The following TJP1 variants were observed in gnomAD, a reference collection of about 807,000 sequenced individuals.
TJP1 encodes tight junction protein ZO-1.
Under a neutral mutation model 194.2 loss-of-function variants are expected in TJP1, and 43 were observed. The ratio of observed to expected loss-of-function variants is 0.22; its 90% CI spans 0.17 to 0.29. The LOEUF (loss-of-function observed/expected upper bound fraction) is 0.29, where lower values mean the gene tolerates loss of function less well. Among genes scored for constraint, TJP1 ranks in the 10% least tolerant of loss-of-function variants. The pLI is 1.00. For missense variants in TJP1, 1,971 were observed against 2,185.7 expected (o/e 0.90, Z 1.96); for synonymous variants, 801 against 779.0 (o/e 1.03, Z -0.47).
chr15:29,904,739 C>T (rs7165216), intron 2 of TJP1, among the ~76,000 whole-genome samples: 2,208 of 152,232 alleles, frequency 0.015, 48 homozygotes, highest in African/African-American at 0.051. Flanking sequence ...TATCTGGAAC[C>T]TCAGAATGTG....
rs2041454152 is a variant in TJP1, at chr15:29,700,162, A to T, written c.*1433T>A. The stretch of plus-strand genomic sequence containing the variant: ...AGACCAAGCCAGCACTTTATTTTAA[A>T]AAGTTTTATTTTGGAGATTTAGAAA... On this transcript the variant is annotated 3_prime_UTR_variant, in exon 28 of 28. Coordinates refer to ENST00000614355, the MANE Select transcript of TJP1 (RefSeq NM_001330239.4). 3 of 398,332 alleles carry T rather than the reference A, an allele frequency of 7.5e-6. No individual in the cohort carries two copies. Among genetic ancestry groups the T allele is most frequent in the South Asian group, 1.3e-4 (1 of 7,474 alleles). The allele number at this position is 398,332 out of a possible 1,614,324, so 24.7% of individuals were successfully genotyped here. A position where few individuals can be genotyped will look rare whatever the true frequency, so the allele number is the denominator to read the frequency against.
At chr15:29,762,208 C>CTCT in intron 6 of TJP1, 127 bp downstream of exon 6, 1 of 675,030 alleles carries the variant, frequency 1.5e-6, no homozygotes, top group Non-Finnish European at 2.4e-6. Context: ...ATTTATATCC[C>CTCT]TCTCCCCCAA....
At chr15:29,808,291 G>A (rs993775732) in intron 1 of TJP1, among the ~76,000 whole-genome samples, 4 of 151,956 alleles carry the variant, frequency 2.6e-5, no homozygotes, top group Non-Finnish European at 5.9e-5. Context: ...ACAAGAAACA[G>A]GGAAAAGTGA....
intron 2 of TJP1, among the ~76,000 whole-genome samples, chr15:29,841,372 T>A (rs2051218650): frequency 6.6e-6 from 1 of 152,188 alleles, no homozygotes; most frequent in Non-Finnish European, 1.5e-5. Flanking sequence ...GTTCATATGT[T>A]TACAAACAAC....
intron 2 of TJP1, among the ~76,000 whole-genome samples, chr15:29,902,261 C>G (rs995967155): frequency 1.3e-5 from 2 of 151,896 alleles, no homozygotes; most frequent in African/African-American, 4.8e-5. Flanking sequence ...CATTCTCTTC[C>G]TCTTGGTGGT....
intron 2 of TJP1, among the ~76,000 whole-genome samples, chr15:29,782,566 A>G (rs1373049388): frequency 1.3e-5 from 2 of 152,194 alleles, no homozygotes; most frequent in East Asian, 3.9e-4. Flanking sequence ...AAAGACATCA[A>G]TGTAAAACCC....
intron 8 of TJP1, among the ~76,000 whole-genome samples, chr15:29,743,890 T>C (rs990584897): frequency 6.6e-6 from 1 of 152,080 alleles, no homozygotes; most frequent in African/African-American, 2.4e-5. Context: ...AATTAGAAAC[T>C]GTATTATCGG....
chr15:29,942,283 A>G (rs2055107945), intron 2 of TJP1, among the ~76,000 whole-genome samples: 1 of 152,228 alleles, frequency 6.6e-6, no homozygotes, highest in Non-Finnish European at 1.5e-5. Flanking sequence ...AGATGATGGC[A>G]CAGGTCAACT....
chr15:29,767,247 A>T (rs1370728027), intron 4 of TJP1, among the ~76,000 whole-genome samples: 1 of 152,102 alleles, frequency 6.6e-6, no homozygotes, highest in Admixed American at 6.6e-5. Flanking sequence ...CATGTATTAC[A>T]CCTGCTGACT....
At chr15:29,800,437 C>T (rs992693910) in intron 2 of TJP1, 20 of 544,074 alleles carry the variant, frequency 3.7e-5, no homozygotes, top group Non-Finnish European at 5.7e-5. Context: ...GGAATAAAAA[C>T]AGCAAATACT....
At chr15:29,952,940 T>C (rs1453180145) in intron 2 of TJP1, among the ~76,000 whole-genome samples, 2 of 152,146 alleles carry the variant, frequency 1.3e-5, no homozygotes, top group Non-Finnish European at 2.9e-5. Flanking sequence ...TTAGAAGTCA[T>C]TACAGATCCT....
At chr15:29,708,480 C>T (rs919951272) in intron 25 of TJP1, 79 bp downstream of exon 25, 2 of 1,191,736 alleles carry the variant, frequency 1.7e-6, no homozygotes, top group African/African-American at 3.1e-5. Flanking sequence ...ACTTTAAAGT[C>T]CCAAGTCAAA....
At chr15:29,714,537 CTTTTTTTTTT>C (rs58378713) in intron 23 of TJP1, among the ~76,000 whole-genome samples, 1 of 88,986 alleles carries the variant, frequency 1.1e-5, no homozygotes, top group African/African-American at 4.8e-5. Flanking sequence ...TGCGCCCAGC[CTTTTTTTTTT>C]TTTTTTTTTT....
Position 29,928,940 on chromosome 15 carries a change from T to G in TJP1, c.306+27292A>C, listed in dbSNP as rs538341376. Among the ~76,000 whole-genome samples, 5 of 149,438 alleles carry G rather than the reference T, an allele frequency of 3.3e-5. No individual in the cohort carries two copies. The South Asian group carries it at 8.4e-4, about 25-fold the overall frequency. ...CTGGGCGACAGAATGAGACTCCATC[T>G]CAAAAAAAAACCAAAACAAAACACA... On this transcript the variant is annotated intron_variant, in intron 2 of 28. Transcript: ENST00000356107.
chr15:29,773,379 A>C (rs2046813016), intron 2 of TJP1, 22 bp from the exon 3 acceptor site: 1 of 1,611,340 alleles, frequency 6.2e-7, no homozygotes, highest in Non-Finnish European at 8.5e-7. Context: ...ATTACAGTAA[A>C]ATATTGCTAT....
intron 15 of TJP1, 139 bp downstream of exon 15, chr15:29,732,294 A>C: frequency 1.4e-6 from 1 of 728,460 alleles, no homozygotes; most frequent in South Asian, 1.9e-5. Flanking sequence ...GGGTTTTCTC[A>C]CCAAATTAAA....
At chr15:29,850,929 G>A (rs1011757089) in intron 2 of TJP1, among the ~76,000 whole-genome samples, 18 of 152,272 alleles carry the variant, frequency 1.2e-4, no homozygotes, top group Admixed American at 7.2e-4. Flanking sequence ...CTTGAGGCCA[G>A]TAGTTTGAGA....
chr15:29,816,085 A>G (rs971273099), intron 1 of TJP1, among the ~76,000 whole-genome samples: 2 of 150,932 alleles, frequency 1.3e-5, no homozygotes, highest in Non-Finnish European at 2.9e-5. Context: ...ATCTCGACTC[A>G]CTGCAACCTT....
At chr15:29,729,822 C>CAA (rs762817418) in intron 15 of TJP1, among the ~76,000 whole-genome samples, 31 of 82,246 alleles carry the variant, frequency 3.8e-4, no homozygotes, top group East Asian at 7.0e-4. Flanking sequence ...GACTCTGTTT[C>CAA]AAAAAAAAAA....
Sources: allele counts gnomAD v4.1 joint callset (sites outside exome capture counted in the v4.1 genomes callset), GRCh38; gene constraint gnomAD v4.1.1; transcripts MANE v1.5; gene names NCBI Gene and HGNC (gene_info 2026-07-23, HGNC 2026-07-21).